The following ZMIZ1 variants were observed in gnomAD, a reference collection of about 807,000 sequenced individuals.
ZMIZ1 encodes zinc finger MIZ-type containing 1.
ZMIZ1 carries 17 observed loss-of-function variants against 113.9 expected under a neutral mutation model. The ratio of observed to expected loss-of-function variants is 0.15; its 90% CI spans 0.10 to 0.22. The LOEUF (loss-of-function observed/expected upper bound fraction) is 0.22, where lower values mean the gene tolerates loss of function less well. ZMIZ1 is among the 10% of genes least tolerant of loss of function. ZMIZ1 has a pLI of 1.00. For missense variants in ZMIZ1, 1,059 were observed against 1,477.8 expected (o/e 0.72, Z 4.65); for synonymous variants, 607 against 603.1 (o/e 1.01, Z -0.09).
chr10:79,087,116 C>T (rs951784471), intron 1 of ZMIZ1, among the ~76,000 whole-genome samples: 2 of 152,264 alleles, frequency 1.3e-5, no homozygotes, highest in African/African-American at 2.4e-5. Context: ...CTCCACCTTC[C>T]CATTGCTTGT....
At chr10:79,307,157 C>T (rs1564606132) in intron 22 of ZMIZ1, among the ~76,000 whole-genome samples, 1 of 152,148 alleles carries the variant, frequency 6.6e-6, no homozygotes. Flanking sequence ...GGCCCGCCCC[C>T]TTTGTCCCAC....
chr10:79,199,182 A>G (rs1847965673), intron 4 of ZMIZ1, among the ~76,000 whole-genome samples: 1 of 151,700 alleles, frequency 6.6e-6, no homozygotes, highest in Admixed American at 6.6e-5. Context: ...ATAATGCTTC[A>G]TCATACCTAG....
At chr10:79,210,944 T>C (rs1848505775) in intron 6 of ZMIZ1, among the ~76,000 whole-genome samples, 1 of 152,122 alleles carries the variant, frequency 6.6e-6, no homozygotes, top group African/African-American at 2.4e-5. Flanking sequence ...CAGGAGAGGC[T>C]GCATAGACAG....
At chr10:79,177,238 C>T (rs12411506) in intron 4 of ZMIZ1, among the ~76,000 whole-genome samples, 3,991 of 152,298 alleles carry the variant, frequency 0.026, 158 homozygotes, top group Admixed American at 0.11. Flanking sequence ...CCCACAGCAC[C>T]GCCACAAAAA....
chr10:79,162,892 A>T (rs1846174351), intron 4 of ZMIZ1, among the ~76,000 whole-genome samples: 1 of 152,164 alleles, frequency 6.6e-6, no homozygotes, highest in Non-Finnish European at 1.5e-5. Flanking sequence ...TTGAGGAGCA[A>T]CTGAGAGCAG....
Position 79,306,163 on chromosome 10 carries a change from G to A in ZMIZ1, c.2487G>A (p.Ser829=), listed in dbSNP as rs752174152. 4.2e-5 allele frequency: 68 copies of A among 1,613,888 alleles called. No homozygotes were observed. In the South Asian group the frequency reaches 4.7e-4, roughly 11 times the overall value. ...GCTGGCGGCCGGTGCCCATCAAGTCGGACTTACACATCAAGGACGACCCTG... is the reference window on the plus strand; with the variant it reads ...GCTGGCGGCCGGTGCCCATCAAGTCAGACTTACACATCAAGGACGACCCTG... ...TCSWRPVPIK[S]DLHIKDDPDG... The change falls in exon 22 of 25, where the codon TCG becomes TCA. Residue 829 remains serine, a synonymous_variant. Coordinates refer to ENST00000334512, the MANE Select transcript of ZMIZ1 (RefSeq NM_020338.4).
chr10:79,160,049 G>A (rs554600189), intron 3 of ZMIZ1, among the ~76,000 whole-genome samples: 23 of 152,214 alleles, frequency 1.5e-4, no homozygotes, highest in Non-Finnish European at 2.2e-4. Context: ...CTCTGTCAGC[G>A]GCTCTGCTGG....
rs775974502 is a variant in ZMIZ1 at position 79,291,072 on chromosome 10, G to C, written c.654G>C (p.Gly218=). 29 of 1,614,076 alleles carry C rather than the reference G, an allele frequency of 1.8e-5. No individual in the cohort carries two copies. The highest frequency in any genetic ancestry group is 1.5e-4 in the African/African-American group (11 of 74,940). Residue 218 remains glycine (G), a synonymous_variant, in exon 10 of 25, where the codon GGG becomes GGC. Transcript: ENST00000334512. ...GCCTCAACTCCCCACAGTTTGCGGG[G>C]CAGCAGCAGCAGTTCTCAGCCAAGG... ...NPGLNSPQFA[G]QQQQFSAKAG...
intron 7 of ZMIZ1, among the ~76,000 whole-genome samples, chr10:79,238,500 C>A (rs1849686818): frequency 6.6e-6 from 1 of 152,176 alleles, no homozygotes; most frequent in African/African-American, 2.4e-5. Context: ...CAAATGCTTA[C>A]AAATGCATAG....
chr10:79,252,435 T>G (rs1385723589), intron 7 of ZMIZ1, among the ~76,000 whole-genome samples: 1 of 152,064 alleles, frequency 6.6e-6, no homozygotes, highest in Non-Finnish European at 1.5e-5. Context: ...CCCAGGAGTG[T>G]GTAGTCCACC....
chr10:79,190,974 C>T (rs1847576435), intron 4 of ZMIZ1, among the ~76,000 whole-genome samples: 1 of 152,174 alleles, frequency 6.6e-6, no homozygotes, highest in Non-Finnish European at 1.5e-5. Context: ...ACCTAGAAGA[C>T]TTCATCTCAT....
intron 1 of ZMIZ1, among the ~76,000 whole-genome samples, chr10:79,114,539 G>A (rs1245690303): frequency 1.4e-5 from 2 of 145,644 alleles, no homozygotes; most frequent in Admixed American, 1.4e-4. Context: ...GTGTGTGTGT[G>A]TGAAGGTGGG....
intron 4 of ZMIZ1, among the ~76,000 whole-genome samples, chr10:79,194,702 C>T (rs886704764): frequency 6.6e-6 from 1 of 152,244 alleles, no homozygotes; most frequent in Admixed American, 6.5e-5. Context: ...CCCACCTCCG[C>T]TTCCCACCCT....
intron 9 of ZMIZ1, 61 bp downstream of exon 9, chr10:79,289,950 T>G: frequency 9.5e-5 from 144 of 1,512,264 alleles, no homozygotes; most frequent in African/African-American, 1.4e-5. Context: ...CCTTGACCCC[T>G]GGAGCCATAC....
At chr10:79,131,442 C>T (rs1844764710) in intron 2 of ZMIZ1, among the ~76,000 whole-genome samples, 1 of 152,156 alleles carries the variant, frequency 6.6e-6, no homozygotes, top group Non-Finnish European at 1.5e-5. Context: ...TTTTGTTTGC[C>T]TCGGTCCCTT....
chr10:79,110,148 C>A (rs981273781), intron 1 of ZMIZ1, among the ~76,000 whole-genome samples: 4 of 152,246 alleles, frequency 2.6e-5, no homozygotes, highest in Non-Finnish European at 5.9e-5. Context: ...GTTACTTCAT[C>A]CTCATCTGCA....
intron 7 of ZMIZ1, among the ~76,000 whole-genome samples, chr10:79,263,417 T>C (rs1002576589): frequency 6.6e-6 from 1 of 152,172 alleles, no homozygotes; most frequent in Non-Finnish European, 1.5e-5. Context: ...TGGTAGAGTC[T>C]GGTCAGCAGA....
In ZMIZ1 at chr10:79,216,149, T is replaced by C; in HGVS notation, c.175-20T>C. On this transcript the variant is annotated intron_variant, in intron 6 of 24. Transcript: ENST00000334512. ...TCTGGGCTCCGTGACTCACCTGCCC[T>C]CCTCCCCTCTTGCTTTCAGGTGGTC... is the stretch of plus-strand genomic sequence containing the variant. The C allele has an allele frequency of 6.8e-7, 1 of 1,466,748 alleles. No homozygotes were observed. The highest frequency in any genetic ancestry group is 9.1e-7 in the Non-Finnish European group (1 of 1,101,636). The allele number at this position is 1,466,748 out of a possible 1,614,324, so 90.9% of individuals were successfully genotyped here.
chr10:79,086,950 C>T (rs1160316995), intron 1 of ZMIZ1, among the ~76,000 whole-genome samples: 1 of 152,186 alleles, frequency 6.6e-6, no homozygotes. Context: ...AATTCTGCCT[C>T]TCCTTTTATT....
Sources: allele counts gnomAD v4.1 joint callset (sites outside exome capture counted in the v4.1 genomes callset), GRCh38; gene constraint gnomAD v4.1.1; transcripts MANE v1.5; gene names NCBI Gene and HGNC (gene_info 2026-07-23, HGNC 2026-07-21).